PTH2R: variants seen among roughly 807,000 people sequenced by gnomAD.
The protein encoded by PTH2R is PTH2 receptor.
Under a neutral mutation model 60.3 loss-of-function variants are expected in PTH2R, and 59 were observed. The ratio of observed to expected loss-of-function variants is 0.98; its 90% CI spans 0.79 to 1.22. PTH2R has a LOEUF of 1.22. Ranked by LOEUF, PTH2R falls within the 50% of genes most tolerant of loss-of-function variation. The pLI, the probability that PTH2R is intolerant of heterozygous loss-of-function variation, is 0.00. For missense variants in PTH2R, 749 were observed against 682.6 expected, an observed-to-expected ratio of 1.10 and a Z score of -1.08; for synonymous variants, 256 against 243.8, an observed-to-expected ratio of 1.05 and a Z score of -0.47.
intron 1 of PTH2R, among the ~76,000 whole-genome samples, chr2:208,380,292 T>C (rs1371929659): frequency 6.6e-6 from 1 of 152,142 alleles, no homozygotes; most frequent in Non-Finnish European, 1.5e-5. Flanking sequence ...ACATAAACTT[T>C]AAATTCACAA....
intron 1 of PTH2R, among the ~76,000 whole-genome samples, chr2:208,381,796 T>A: frequency 6.6e-6 from 1 of 152,044 alleles, no homozygotes; most frequent in East Asian, 1.9e-4. Flanking sequence ...TTTCAGTTAA[T>A]CAAAAGAGAG....
chr2:208,426,696 C>T (rs923950803), intron 1 of PTH2R, among the ~76,000 whole-genome samples: 3 of 152,196 alleles, frequency 2.0e-5, no homozygotes, highest in Non-Finnish European at 4.4e-5. Flanking sequence ...TCTGCTTGCA[C>T]TCGCTTCGTC....
intron 1 of PTH2R, among the ~76,000 whole-genome samples, chr2:208,426,230 G>C (rs1196453778): frequency 6.6e-6 from 1 of 152,110 alleles, no homozygotes; most frequent in Non-Finnish European, 1.5e-5. Context: ...TCAAATATGT[G>C]ACAGATTGGA....
chr2:208,461,885 TGGCGAA>T (rs1466386232), intron 9 of PTH2R, among the ~76,000 whole-genome samples: 1 of 152,244 alleles, frequency 6.6e-6, no homozygotes, highest in Non-Finnish European at 1.5e-5. Flanking sequence ...GATTCGCTGT[TGGCGAA>T]GGAGAAATAG....
At chr2:208,365,482 A>G (rs1700560687) in intron 1 of PTH2R, among the ~76,000 whole-genome samples, 1 of 152,126 alleles carries the variant, frequency 6.6e-6, no homozygotes, top group African/African-American at 2.4e-5. Context: ...GTGGTGTACT[A>G]CATTGATTTT....
At chr2:208,384,013 G>A (rs1399348280) in intron 1 of PTH2R, among the ~76,000 whole-genome samples, 1 of 152,206 alleles carries the variant, frequency 6.6e-6, no homozygotes, top group Non-Finnish European at 1.5e-5. Context: ...TTGTGTAGAA[G>A]TTAGGAGTAG....
intron 1 of PTH2R, among the ~76,000 whole-genome samples, chr2:208,383,802 G>A (rs1700957697): frequency 6.6e-6 from 1 of 152,140 alleles, no homozygotes; most frequent in South Asian, 2.1e-4. Context: ...CTGAGACTCG[G>A]GTATCATCGC....
intron 2 of PTH2R, among the ~76,000 whole-genome samples, chr2:208,433,833 T>C (rs1559218711): frequency 6.6e-6 from 1 of 152,222 alleles, no homozygotes. Flanking sequence ...AATGTCATGG[T>C]TTGACAAGCT....
intron 6 of PTH2R, among the ~76,000 whole-genome samples, chr2:208,444,236 C>T (rs1392053662): frequency 1.3e-5 from 2 of 152,100 alleles, no homozygotes; most frequent in African/African-American, 2.4e-5. Flanking sequence ...TGAGCCTAGC[C>T]GAGACAAGCC....
chr2:208,433,839 A>C (rs1702020574), intron 2 of PTH2R, among the ~76,000 whole-genome samples: 1 of 152,260 alleles, frequency 6.6e-6, no homozygotes, highest in African/African-American at 2.4e-5. Context: ...ATGGTTTGAC[A>C]AGCTTCACTC....
chr2:208,374,478 C>T (rs140909109), intron 1 of PTH2R, among the ~76,000 whole-genome samples: 262 of 152,132 alleles, frequency 1.7e-3, no homozygotes, highest in Middle Eastern at 3.4e-3. Context: ...AAATGCACAT[C>T]GATTACTGTT....
intron 1 of PTH2R, among the ~76,000 whole-genome samples, chr2:208,399,536 C>T (rs1012997447): frequency 6.6e-6 from 1 of 151,978 alleles, no homozygotes; most frequent in African/African-American, 2.4e-5. Flanking sequence ...TGATTAAAAA[C>T]CCTAGACACC....
chr2:208,377,357 A>T (rs903088298), intron 1 of PTH2R, among the ~76,000 whole-genome samples: 3 of 152,044 alleles, frequency 2.0e-5, no homozygotes, highest in African/African-American at 7.3e-5. Flanking sequence ...CGCCATCGTC[A>T]TCATGGCCCG....
At chr2:208,444,949 T>A in intron 7 of PTH2R, 62 bp downstream of exon 7, 7 of 1,506,016 alleles carry the variant, frequency 4.6e-6, no homozygotes, top group Non-Finnish European at 6.3e-6. Flanking sequence ...CATTCTGTCA[T>A]GCCCATCATT....
chr2:208,387,175 A>T (rs1181531820), intron 1 of PTH2R, among the ~76,000 whole-genome samples: 1 of 152,176 alleles, frequency 6.6e-6, no homozygotes, highest in Non-Finnish European at 1.5e-5. Flanking sequence ...TGCTTTATAC[A>T]TTTTTAAAAC....
At chr2:208,489,721 G>T (rs1703360165) in intron 11 of PTH2R, among the ~76,000 whole-genome samples, 1 of 152,150 alleles carries the variant, frequency 6.6e-6, no homozygotes, top group Non-Finnish European at 1.5e-5. Context: ...ATTTCCAGTT[G>T]CAGTCAAACT....
At chr2:208,371,548 C>T (rs934733678) in intron 1 of PTH2R, among the ~76,000 whole-genome samples, 2 of 152,122 alleles carry the variant, frequency 1.3e-5, no homozygotes, top group Non-Finnish European at 2.9e-5. Flanking sequence ...AACTAATTCG[C>T]AGGCCCTAGA....
intron 1 of PTH2R, among the ~76,000 whole-genome samples, chr2:208,393,999 G>C (rs1051683287): frequency 6.6e-6 from 1 of 152,196 alleles, no homozygotes; most frequent in Non-Finnish European, 1.5e-5. Flanking sequence ...TTAGCTCTGG[G>C]GAACTATTCC....
intron 1 of PTH2R, among the ~76,000 whole-genome samples, chr2:208,380,831 G>A (rs1700900230): frequency 6.6e-6 from 1 of 152,108 alleles, no homozygotes. Context: ...CACCACTCCA[G>A]TACTGACTGT....
Sources: gnomAD v4.1 joint callset for allele counts (sites outside exome capture counted in the v4.1 genomes callset) on GRCh38, gnomAD v4.1.1 for gene constraint, MANE v1.5 for transcripts, NCBI Gene and HGNC (gene_info 2026-07-23, HGNC 2026-07-21) for gene names.